PHEX: variants seen among roughly 807,000 people sequenced by gnomAD.
The protein encoded by PHEX is phosphate-regulating neutral endopeptidase PHEX.
Under a neutral mutation model 68.0 loss-of-function variants are expected in PHEX, and 16 were observed. The observed-to-expected ratio is 0.24, with a 90% CI of 0.16 to 0.36. The LOEUF is 0.36. Ranked by LOEUF, PHEX falls within the 10% of genes least tolerant of loss-of-function variation. The pLI, the probability that PHEX is intolerant of heterozygous loss-of-function variation, is 1.00. For missense variants in PHEX, 480 were observed against 575.5 expected (o/e 0.83, Z 1.70); for synonymous variants, 208 against 205.1 (o/e 1.01, Z -0.12).
intron 3 of PHEX, among the ~76,000 whole-genome samples, chrX:22,072,389 C>G (rs1928945697): frequency 9.0e-6 from 1 of 110,792 alleles, no homozygotes; most frequent in Non-Finnish European, 1.9e-5. Flanking sequence ...CCAGCCTGGG[C>G]GGTAGAGCAA....
intron 9 of PHEX, among the ~76,000 whole-genome samples, chrX:22,106,658 C>T (rs1187612039): frequency 9.1e-6 from 1 of 109,983 alleles, no homozygotes; most frequent in African/African-American, 3.3e-5. Flanking sequence ...CCTGTAGTCC[C>T]AGCTACTTGG....
chrX:22,168,536 A>C, intron 13 of PHEX, 147 bp downstream of exon 13: 1 of 488,261 alleles, frequency 2.0e-6, no homozygotes, highest in Admixed American at 3.1e-5. Flanking sequence ...TATGAGCCTG[A>C]ATATGCCAGG....
chrX:22,145,610 T>C (rs1932662368), intron 12 of PHEX, among the ~76,000 whole-genome samples: 1 of 101,611 alleles, frequency 9.8e-6, no homozygotes, highest in Non-Finnish European at 2.0e-5. Flanking sequence ...AGCAAGACTC[T>C]GTCTCAAAAA....
chrX:22,089,780 A>G (rs760696841), intron 5 of PHEX, among the ~76,000 whole-genome samples: 2 of 112,154 alleles, frequency 1.8e-5, no homozygotes, highest in Non-Finnish European at 3.8e-5. Context: ...CTGTAATTCT[A>G]CTTATTTAGT....
At chrX:22,151,341 T>C (rs1932852434) in intron 12 of PHEX, among the ~76,000 whole-genome samples, 1 of 112,168 alleles carries the variant, frequency 8.9e-6, no homozygotes, top group African/African-American at 3.2e-5. Context: ...ATTCCTGGTC[T>C]GCTGCTCATG....
intron 12 of PHEX, chrX:22,163,019 G>C (rs1395721004): frequency 1.8e-5 from 2 of 111,627 alleles, no homozygotes; most frequent in Non-Finnish European, 3.8e-5. Context: ...AGATATTTTT[G>C]GTTGTCACAA....
chrX:22,086,104 A>G (rs942235505), intron 5 of PHEX, among the ~76,000 whole-genome samples: 1 of 111,878 alleles, frequency 8.9e-6, no homozygotes, highest in Non-Finnish European at 1.9e-5. Context: ...CTAGCCCAAG[A>G]TCAGAGCACT....
chrX:22,186,492 G>A lies in PHEX; in HGVS notation c.1587-3952G>A, dbSNP rs373808889. Among the ~76,000 whole-genome samples the A allele has an allele frequency of 3.6e-5, 4 of 112,616 alleles. No individual in the cohort carries two copies. In the East Asian group the frequency reaches 1.1e-3, roughly 31 times the overall value. On this transcript the variant is annotated intron_variant, in intron 14 of 21. Transcript: ENST00000379374. ...ACATGTAGCCTTACATTAGAGAATA[G>A]TAAAACTAAATATATAATAAACTTG...
chrX:22,077,171 A>G (rs983117370), intron 4 of PHEX, among the ~76,000 whole-genome samples: 32 of 112,002 alleles, frequency 2.9e-4, no homozygotes, highest in African/African-American at 1.0e-3. Flanking sequence ...CCCACCAAGT[A>G]TTATTCATTG....
chrX:22,228,844 A>G (rs1159513178), intron 20 of PHEX, among the ~76,000 whole-genome samples: 1 of 111,735 alleles, frequency 8.9e-6, no homozygotes, highest in African/African-American at 3.3e-5. Flanking sequence ...CGTCACCTAC[A>G]TTAGGTATTT....
At chrX:22,089,913 T>C (rs912637985) in intron 5 of PHEX, among the ~76,000 whole-genome samples, 1 of 112,408 alleles carries the variant, frequency 8.9e-6, no homozygotes, top group African/African-American at 3.2e-5. Flanking sequence ...AAAAAATCAA[T>C]GCCATATGTT....
chrX:22,080,482 A>G (rs1929342910), intron 5 of PHEX, among the ~76,000 whole-genome samples: 1 of 111,716 alleles, frequency 9.0e-6, no homozygotes, highest in South Asian at 3.8e-4. Flanking sequence ...GAGTTCGAGC[A>G]TGTATCTGGA....
intron 9 of PHEX, among the ~76,000 whole-genome samples, chrX:22,103,123 T>C (rs1037557656): frequency 1.2e-4 from 13 of 110,917 alleles, no homozygotes; most frequent in African/African-American, 4.3e-4. Flanking sequence ...CTTGTCTCTT[T>C]TTTTCCATAA....
intron 11 of PHEX, among the ~76,000 whole-genome samples, chrX:22,130,191 T>C (rs1931925230): frequency 9.0e-6 from 1 of 111,582 alleles, no homozygotes; most frequent in Admixed American, 9.5e-5. Flanking sequence ...ATATAATTTC[T>C]TTTTCTCTGT....
intron 12 of PHEX, among the ~76,000 whole-genome samples, chrX:22,161,534 A>G (rs1455430242): frequency 1.8e-5 from 2 of 112,624 alleles, no homozygotes; most frequent in Non-Finnish European, 3.7e-5. Context: ...TGTAAAATAT[A>G]GCCTTTTATA....
At chrX:22,067,353 C>G (rs1291490663) in intron 3 of PHEX, among the ~76,000 whole-genome samples, 1 of 111,535 alleles carries the variant, frequency 9.0e-6, no homozygotes, top group Non-Finnish European at 1.9e-5. Flanking sequence ...TGAATCAACC[C>G]TCACATCAAA....
At chrX:22,121,642 A>G (rs1931491976) in intron 11 of PHEX, among the ~76,000 whole-genome samples, 1 of 112,446 alleles carries the variant, frequency 8.9e-6, no homozygotes, top group African/African-American at 3.2e-5. Context: ...TAGTTAAAGC[A>G]GAGCAAATCT....
At chrX:22,104,969 T>C (rs975233741) in intron 9 of PHEX, among the ~76,000 whole-genome samples, 2 of 112,635 alleles carry the variant, frequency 1.8e-5, no homozygotes, top group Non-Finnish European at 3.8e-5. Flanking sequence ...AGTTTTATTT[T>C]CATATAAAGC....
intron 2 of PHEX, among the ~76,000 whole-genome samples, chrX:22,043,577 C>G (rs190929818): frequency 2.7e-4 from 30 of 111,579 alleles, no homozygotes; most frequent in Non-Finnish European, 4.0e-4. Context: ...GAGTTTGTGA[C>G]GATACCATAT....
Sources: gnomAD v4.1 joint callset for allele counts (sites outside exome capture counted in the v4.1 genomes callset) on GRCh38, gnomAD v4.1.1 for gene constraint, MANE v1.5 for transcripts, NCBI Gene and HGNC (gene_info 2026-07-23, HGNC 2026-07-21) for gene names.